The following KANSL1 variants were observed in gnomAD, a reference collection of about 807,000 sequenced individuals.
The protein encoded by KANSL1 is KAT8 regulatory NSL complex subunit 1, also known as MLL1/MLL complex subunit KANSL1.
A neutral mutation model predicts 103.6 loss-of-function variants in KANSL1; 22 were observed. The observed-to-expected ratio is 0.21, with a 90% CI of 0.15 to 0.30. The LOEUF is 0.30. KANSL1 is among the 10% of genes least tolerant of loss of function. KANSL1 has a pLI of 1.00. For missense variants in KANSL1, 1,337 were observed against 1,399.8 expected (o/e 0.96, Z 0.72); for synonymous variants, 600 against 527.6 (o/e 1.14, Z -1.88).
At chr17:46,210,868 T>C (rs1484456126) in intron 1 of KANSL1, among the ~76,000 whole-genome samples, 3 of 152,180 alleles carry the variant, frequency 2.0e-5, no homozygotes, top group Non-Finnish European at 4.4e-5. Context: ...TCTAAATATG[T>C]GAAGGGTTAT....
At chr17:46,165,534 ACAGTT>A (rs2045953563) in intron 2 of KANSL1, among the ~76,000 whole-genome samples, 1 of 150,310 alleles carries the variant, frequency 6.7e-6, no homozygotes, top group South Asian at 2.1e-4. Flanking sequence ...TTTTTGAGAC[ACAGTT>A]TCACTCTGCC....
intron 1 of KANSL1, among the ~76,000 whole-genome samples, chr17:46,214,319 C>CA (rs1463524683): frequency 6.6e-6 from 1 of 152,204 alleles, no homozygotes; most frequent in Non-Finnish European, 1.5e-5. Flanking sequence ...CCAAGTCCAG[C>CA]AATACAGTCT....
At chr17:46,144,679 T>TAA (rs143437112) in intron 2 of KANSL1, among the ~76,000 whole-genome samples, 13,886 of 149,064 alleles carry the variant, frequency 0.093, no homozygotes, top group Middle Eastern at 0.15. Context: ...TACTACATAA[T>TAA]AAAAAAAAAA....
intron 2 of KANSL1, among the ~76,000 whole-genome samples, chr17:46,139,419 C>T (rs943735746): frequency 6.6e-6 from 1 of 152,132 alleles, no homozygotes; most frequent in East Asian, 1.9e-4. Context: ...ACTCATTTTC[C>T]ATTATTTCTC....
At chr17:46,131,014 C>G (rs933220813) in intron 2 of KANSL1, among the ~76,000 whole-genome samples, 1 of 152,220 alleles carries the variant, frequency 6.6e-6, no homozygotes, top group African/African-American at 2.4e-5. Flanking sequence ...CTGCCACAGT[C>G]TTTTTCAATT....
chr17:46,096,743 G>A (rs62061800), intron 2 of KANSL1, among the ~76,000 whole-genome samples: 7 of 151,470 alleles, frequency 4.6e-5, no homozygotes, highest in East Asian at 1.9e-4. Context: ...CTCAGCCTCC[G>A]GAGTAACTGG....
At chr17:46,114,967 A>T (rs2042979994) in intron 2 of KANSL1, among the ~76,000 whole-genome samples, 1 of 152,226 alleles carries the variant, frequency 6.6e-6, no homozygotes, top group African/African-American at 2.4e-5. Context: ...ATCTGTCCAG[A>T]TTTAGGTCCA....
At chr17:46,046,975 T>TA (rs1428531506) in intron 7 of KANSL1, among the ~76,000 whole-genome samples, 1 of 151,944 alleles carries the variant, frequency 6.6e-6, no homozygotes, top group Non-Finnish European at 1.5e-5. Context: ...CAAGGGAAGG[T>TA]AAAAGTCAGT....
intron 2 of KANSL1, among the ~76,000 whole-genome samples, chr17:46,149,420 A>G (rs2044945956): frequency 6.6e-6 from 1 of 152,226 alleles, no homozygotes; most frequent in Admixed American, 6.5e-5. Flanking sequence ...CCACTCCTCT[A>G]ATCCAGGGGT....
At chr17:46,140,976 T>C (rs1168115094) in intron 2 of KANSL1, among the ~76,000 whole-genome samples, 1 of 152,068 alleles carries the variant, frequency 6.6e-6, no homozygotes, top group Non-Finnish European at 1.5e-5. Flanking sequence ...CAAAAAGTTA[T>C]ACACAGGGCT....
chr17:46,198,596 G>A (rs911964638), upstream of KANSL1, among the ~76,000 whole-genome samples: 1 of 152,124 alleles, frequency 6.6e-6, no homozygotes, highest in Admixed American at 6.5e-5. Context: ...GCCTGGCATT[G>A]TGGCACATGC....
intron 4 of KANSL1, among the ~76,000 whole-genome samples, chr17:46,082,007 A>C (rs1469654324): frequency 1.3e-5 from 2 of 152,238 alleles, no homozygotes; most frequent in East Asian, 3.8e-4. Context: ...TTTAATGCTC[A>C]TTATAGAATA....
In KANSL1 at chr17:46,039,747, G is replaced by A. The variant is rs376233499; in HGVS notation, c.2158C>T (p.Arg720Cys). The stretch of plus-strand genomic sequence containing the variant: ...CTGACCAATTTGTGCCTGTCCTTAC[G>A]AGCTGAATCTGGCAGACTGCCCGGC... ...PMPGSLPDSA[R>C]KDRHKLVSSF... is the part of the protein sequence containing the mutation. The change falls in exon 8 of 15, where the codon CGT becomes TGT. Residue 720 changes from arginine to cysteine, a missense_variant. Transcript: ENST00000432791. 9.3e-6 allele frequency: 15 copies of A among 1,614,028 alleles called. No homozygotes were observed. The highest frequency in any genetic ancestry group is 2.2e-5 in the East Asian group (1 of 44,894).
intron 1 of KANSL1, chr17:46,215,209 G>A (rs1015829120): frequency 6.6e-6 from 1 of 152,418 alleles, no homozygotes; most frequent in Non-Finnish European, 1.5e-5. Flanking sequence ...TAAGTTTCCA[G>A]AACAGGGTAG....
intron 4 of KANSL1, among the ~76,000 whole-genome samples, chr17:46,072,211 G>C (rs1022214224): frequency 1.3e-5 from 2 of 151,070 alleles, no homozygotes; most frequent in Admixed American, 1.3e-4. Context: ...TACTAGATTT[G>C]TTTCACCAAA....
chr17:46,186,466 T>C (rs1262115797), intron 1 of KANSL1, among the ~76,000 whole-genome samples: 4 of 151,966 alleles, frequency 2.6e-5, no homozygotes, highest in African/African-American at 9.7e-5. Flanking sequence ...CACTGAAACC[T>C]ACCTTATACC....
At chr17:46,094,788 A>AGTG in intron 2 of KANSL1, 87 bp from the exon 3 acceptor site, 3 of 1,509,702 alleles carry the variant, frequency 2.0e-6, no homozygotes, top group Non-Finnish European at 9.1e-7. Flanking sequence ...TTAACTTTTA[A>AGTG]AGGCCCTTGC....
rs34101027 is a variant in KANSL1, at chr17:46,039,796, T to G, written c.2109A>C (p.Leu703Phe). Residue 703 changes from leucine (L) to phenylalanine (F), a missense_variant, in exon 8 of 15, where the codon TTA becomes TTC. Around this residue, in one of 2 missense-constraint regions of KANSL1, gnomAD observed 780 missense variants for 923.4 expected, o/e 0.84. Coordinates refer to ENST00000432791, the MANE Select transcript of KANSL1 (RefSeq NM_015443.4). ...GCATGGGTGCTCTGTGCTTAAGCGA[T>G]AACTTTTTGGGAGGTTTGATTTTGT... is the stretch of plus-strand genomic sequence containing the variant. ...PFDKIKPPKK[L>F]SLKHRAPMPG... 1 of 1,614,206 alleles carries G rather than the reference T, an allele frequency of 6.2e-7. No individual in the cohort carries two copies. Among genetic ancestry groups the G allele is most frequent in the Non-Finnish European group, 8.5e-7 (1 of 1,180,036 alleles).
chr17:46,161,572 T>C (rs17662403), intron 2 of KANSL1, among the ~76,000 whole-genome samples: 21,948 of 152,194 alleles, frequency 0.14, 2,136 homozygotes, highest in Non-Finnish European at 0.22. Context: ...ATACATCTCT[T>C]GTAAGTACCT....
Sources: allele counts gnomAD v4.1 joint callset (sites outside exome capture counted in the v4.1 genomes callset), GRCh38; gene constraint gnomAD v4.1.1; regional missense constraint gnomAD v4.1.1; transcripts MANE v1.5; gene names NCBI Gene and HGNC (gene_info 2026-07-23, HGNC 2026-07-21).